Variants in ZBTB43 observed in about 807,000 individuals in gnomAD.
ZBTB43 encodes zinc finger and BTB domain-containing protein 43.
In ZBTB43, 6 loss-of-function variants were observed where a neutral mutation model predicts 31.1. The ratio of observed to expected loss-of-function variants is 0.19; its 90% CI spans 0.11 to 0.38. The LOEUF (loss-of-function observed/expected upper bound fraction) is 0.38. Among genes scored for constraint, ZBTB43 ranks in the 10% least tolerant of loss-of-function variants. The pLI, the probability that ZBTB43 is intolerant of heterozygous loss-of-function variation, is 1.00. For synonymous variants in ZBTB43, 212 were observed against 221.7 expected, an observed-to-expected ratio of 0.96 and a Z score of 0.39; for missense variants, 379 against 602.1, an observed-to-expected ratio of 0.63 and a Z score of 3.88.
At chr9:126,831,437 G>C (rs1041519536) in intron 2 of ZBTB43, 1 of 152,122 alleles carries the variant, frequency 6.6e-6, no homozygotes, top group African/African-American at 2.4e-5. Context: ...CCAGGAGTTT[G>C]AGACTACAGT....
intron 2 of ZBTB43, among the ~76,000 whole-genome samples, chr9:126,823,883 C>A (rs1277258926): frequency 6.6e-6 from 1 of 152,156 alleles, no homozygotes; most frequent in African/African-American, 2.4e-5. Flanking sequence ...TCTCCTGTCC[C>A]TTCACCTTCA....
chr9:126,817,407 G>A (rs112574047), intron 2 of ZBTB43, among the ~76,000 whole-genome samples: 1,546 of 151,796 alleles, frequency 0.01, 25 homozygotes, highest in African/African-American at 0.036. Flanking sequence ...CACCATGCCC[G>A]GCTGGACTGT....
intron 2 of ZBTB43, among the ~76,000 whole-genome samples, chr9:126,816,057 G>A (rs1016772591): frequency 6.6e-6 from 1 of 152,098 alleles, no homozygotes; most frequent in Admixed American, 6.5e-5. Flanking sequence ...CACTACTGAG[G>A]TAAGGCTTTT....
Position 126,834,052 on chromosome 9 carries a change from G to A in ZBTB43, c.*139G>A. On this transcript the variant is annotated 3_prime_UTR_variant, in exon 3 of 3. Coordinates refer to ENST00000373464, the MANE Select transcript of ZBTB43 (RefSeq NM_014007.4). ...AAAGGAAGATATTTCTGAAAGACCA[G>A]CTCTAAGTAGGCCAATTAAAAAAAT... The A allele has an allele frequency of 1.0e-6, 1 of 984,572 alleles. No homozygotes were observed. The highest frequency in any genetic ancestry group is 1.4e-6 in the Non-Finnish European group (1 of 698,456). 61.0% of individuals were successfully genotyped at this position (984,572 alleles called of 1,614,324 possible). A position where few individuals can be genotyped will look rare whatever the true frequency, so the allele number is the denominator to read the frequency against.
intron 2 of ZBTB43, among the ~76,000 whole-genome samples, chr9:126,830,205 T>C (rs2032735026): frequency 6.6e-6 from 1 of 152,216 alleles, no homozygotes; most frequent in African/African-American, 2.4e-5. Flanking sequence ...AGAGTAATTA[T>C]AAAGATTAAG....
intron 2 of ZBTB43, among the ~76,000 whole-genome samples, chr9:126,830,300 G>A (rs1036624800): frequency 4.6e-5 from 7 of 152,110 alleles, no homozygotes; most frequent in East Asian, 1.9e-4. Context: ...CCTATCCCTC[G>A]AAGATGACTT....
At chr9:126,824,524 A>G (rs2032589646) in intron 2 of ZBTB43, among the ~76,000 whole-genome samples, 1 of 152,200 alleles carries the variant, frequency 6.6e-6, no homozygotes, top group Non-Finnish European at 1.5e-5. Context: ...TCATTCTTGA[A>G]AGGATACTTT....
chr9:126,805,445 G>C (rs1442336084), intron 1 of ZBTB43, among the ~76,000 whole-genome samples: 4 of 152,298 alleles, frequency 2.6e-5, no homozygotes, highest in African/African-American at 7.2e-5. Context: ...CCGTCCGTCC[G>C]CTGGCCTTTC....
At chr9:126,813,218 G>C (rs1336900249) in intron 2 of ZBTB43, among the ~76,000 whole-genome samples, 5 of 152,052 alleles carry the variant, frequency 3.3e-5, no homozygotes, top group Non-Finnish European at 5.9e-5. Flanking sequence ...GACTTCGAGT[G>C]ATCCACGTGC....
At chr9:126,820,512 T>C (rs1190082840) in intron 2 of ZBTB43, among the ~76,000 whole-genome samples, 1 of 152,162 alleles carries the variant, frequency 6.6e-6, no homozygotes, top group African/African-American at 2.4e-5. Context: ...AAAAGATTTT[T>C]TACAAAGCAT....
chr9:126,830,383 C>T (rs1433362081), intron 2 of ZBTB43, among the ~76,000 whole-genome samples: 1 of 152,218 alleles, frequency 6.6e-6, no homozygotes, highest in African/African-American at 2.4e-5. Context: ...CAGTGGCTCA[C>T]GCCTGTCATT....
chr9:126,833,360 C>T lies in ZBTB43; in HGVS notation c.851C>T (p.Pro284Leu). 6.2e-7 allele frequency: 1 copy of T among 1,613,278 alleles called. No individual in the cohort carries two copies. The highest frequency in any genetic ancestry group is 8.5e-7 in the Non-Finnish European group (1 of 1,179,628). ...GTGCAGACAGAGCACACGGTGCAGC[C>T]TTCGGGAGTGGAGGAGGACTTCCAC... Reference protein sequence around the residue: ...NTVQTEHTVQPSGVEEDFHIG... With the variant: ...NTVQTEHTVQLSGVEEDFHIG... Residue 284 changes from proline to leucine, a missense_variant, in exon 3 of 3, where the codon CCT (proline) becomes CTT (leucine). This residue lies in a region of ZBTB43 where 253 missense variants were observed against 322.3 expected (regional missense o/e 0.79). Transcript: ENST00000373464. The surrounding 1 kb of genome is among the most constrained non-coding windows in gnomAD (Gnocchi z 7.9).
At chr9:126,804,483 T>TTTGTTG (rs143192446), upstream of ZBTB43, among the ~76,000 whole-genome samples, 1,561 of 151,916 alleles carry the variant, frequency 0.01, 34 homozygotes, top group African/African-American at 0.035. Context: ...TTTTGTTTGT[T>TTTGTTG]TTGTTGTTGT....
chr9:126,832,446 C>A, intron 2 of ZBTB43, 41 bp from the exon 3 acceptor site: 5 of 1,527,678 alleles, frequency 3.3e-6, no homozygotes, highest in Non-Finnish European at 4.4e-6. Context: ...ATAAGTTTAT[C>A]TTTGGGCTGG....
intron 2 of ZBTB43, among the ~76,000 whole-genome samples, chr9:126,820,046 G>A (rs2032477353): frequency 6.6e-6 from 1 of 152,218 alleles, no homozygotes; most frequent in African/African-American, 2.4e-5. Context: ...GCTAGCAGAG[G>A]TTGGTTTGTG....
At chr9:126,827,429 C>T (rs2032665883) in intron 2 of ZBTB43, among the ~76,000 whole-genome samples, 1 of 152,190 alleles carries the variant, frequency 6.6e-6, no homozygotes. Flanking sequence ...CACAGGCCAC[C>T]TTCCTGCAGG....
chr9:126,830,920 C>T (rs1197049670), intron 2 of ZBTB43, among the ~76,000 whole-genome samples: 2 of 152,146 alleles, frequency 1.3e-5, no homozygotes, highest in African/African-American at 4.8e-5. Context: ...ACTTTGTCTT[C>T]TGATCGACTC....
chr9:126,835,730 T>C lies in ZBTB43; in HGVS notation c.*1817T>C, dbSNP rs369289905. The C allele has an allele frequency of 1.2e-5, 2 of 165,960 alleles. No individual in the cohort carries two copies. The highest frequency in any genetic ancestry group is 1.9e-4 in the East Asian group (1 of 5,206). 10.3% of individuals were successfully genotyped at this position (165,960 alleles called of 1,614,324 possible). On this transcript the variant is annotated 3_prime_UTR_variant, in exon 3 of 3. Coordinates refer to ENST00000373464, the MANE Select transcript of ZBTB43 (RefSeq NM_014007.4). ...CTTTATTATAAATATATATATATAT[T>C]GTTTTTTTTTAAACCTAGAAACTAG...
chr9:126,810,005 T>TAA lies in ZBTB43; in HGVS notation c.-24+1090_-24+1091insAA, dbSNP rs1588350882. On this transcript the variant is annotated intron_variant, in intron 2 of 2. Coordinates refer to ENST00000373464, the MANE Select transcript of ZBTB43 (RefSeq NM_014007.4). ...GCCGGCCACCACACCCGGCTAATTT[T>TAA]TTTGTATTTTTAGTAGAGATGGGGT... Among the ~76,000 whole-genome samples, 7 of 152,008 alleles carry TAA rather than the reference T, an allele frequency of 4.6e-5. No individual in the cohort carries two copies. In the East Asian group the frequency reaches 1.4e-3, roughly 29 times the overall value.
Sources: gnomAD v4.1 joint callset for allele counts (sites outside exome capture counted in the v4.1 genomes callset) on GRCh38, gnomAD v4.1.1 for gene constraint, gnomAD v4.1.1 regional missense constraint, Gnocchi (gnomAD v3.1) non-coding constraint, MANE v1.5 for transcripts, NCBI Gene and HGNC (gene_info 2026-07-23, HGNC 2026-07-21) for gene names.